The following FOCAD variants were observed in gnomAD, a reference collection of about 807,000 sequenced individuals.
FOCAD encodes the protein KIAA1797.
FOCAD carries 198 observed loss-of-function variants against 225.6 expected under a neutral mutation model. The ratio of observed to expected loss-of-function variants is 0.88; its 90% CI spans 0.78 to 0.99. The LOEUF (loss-of-function observed/expected upper bound fraction) is 0.99, where lower values mean the gene tolerates loss of function less well. Among genes scored for constraint, FOCAD ranks in the 50% least tolerant of loss-of-function variants. The pLI, the probability that FOCAD is intolerant of heterozygous loss-of-function variation, is 0.00. For missense variants in FOCAD, 2,713 were observed against 2,123.6 expected (o/e 1.28, Z -5.46); for synonymous variants, 897 against 755.0 (o/e 1.19, Z -3.08).
chr9:20,752,722 G>C (rs574591786), intron 5 of FOCAD, among the ~76,000 whole-genome samples: 1 of 152,186 alleles, frequency 6.6e-6, no homozygotes, highest in South Asian at 2.1e-4. Flanking sequence ...TGCTGGGGAT[G>C]GCATTGAATG....
intron 30 of FOCAD, among the ~76,000 whole-genome samples, chr9:20,947,687 AT>A (rs1456987765): frequency 2.6e-5 from 4 of 152,078 alleles, no homozygotes; most frequent in Non-Finnish European, 5.9e-5. Context: ...GAAAAAAAAC[AT>A]TTTATCTGAT....
chr9:20,946,762 C>A lies in FOCAD; in HGVS notation c.3617C>A (p.Ala1206Asp), dbSNP rs1382609264. The A allele has an allele frequency of 6.2e-7, 1 of 1,613,846 alleles. No individual in the cohort carries two copies. The highest frequency in any genetic ancestry group is 8.5e-7 in the Non-Finnish European group (1 of 1,179,790). Residue 1206 changes from alanine (A) to aspartate (D), a missense_variant, in exon 30 of 44, where the codon GCT becomes GAT. Physicochemically the swap from Ala to Asp is moderately radical, Grantham distance 126. Transcript: ENST00000338382. ...TSAFSAGIIE[A>D]TEAEDVMNKL... ...GCGTTCAGTGCTGGAATTATTGAGG[C>A]TACAGAGGCTGAGGATGTTATGAAC...
chr9:20,693,080 C>G (rs1413024335), intron 1 of FOCAD, among the ~76,000 whole-genome samples: 1 of 152,166 alleles, frequency 6.6e-6, no homozygotes, highest in African/African-American at 2.4e-5. Flanking sequence ...CCGTTGCCAC[C>G]CAAAGTAAAA....
intron 23 of FOCAD, among the ~76,000 whole-genome samples, chr9:20,916,044 AG>A (rs1277951918): frequency 6.6e-6 from 1 of 152,158 alleles, no homozygotes; most frequent in Non-Finnish European, 1.5e-5. Flanking sequence ...GTCTCTTAAG[AG>A]TGACTCATTC....
At chr9:20,931,678 G>T (rs978160155) in intron 27 of FOCAD, among the ~76,000 whole-genome samples, 4 of 152,176 alleles carry the variant, frequency 2.6e-5, no homozygotes, top group Admixed American at 2.0e-4. Context: ...AGAGAATTAT[G>T]AATCACATCT....
rs1220217300 is a variant in FOCAD at position 20,948,261 on chromosome 9, T to C, written c.3676-10T>C. On this transcript the variant is annotated splice_polypyrimidine_tract_variant and intron_variant, in intron 30 of 43. Transcript: ENST00000338382. Reference sequence around the variant, plus strand: ...CTTTTTCTTACCCCATTTTTATTTATTTATATCAGACTTCAGGTTTTGCCC... The same window carrying C: ...CTTTTTCTTACCCCATTTTTATTTACTTATATCAGACTTCAGGTTTTGCCC... 1 of 1,594,592 alleles carries C rather than the reference T, an allele frequency of 6.3e-7. No homozygotes were observed.
chr9:20,869,360 A>G (rs2131745981), intron 18 of FOCAD, among the ~76,000 whole-genome samples: 1 of 152,270 alleles, frequency 6.6e-6, no homozygotes, highest in East Asian at 1.9e-4. Flanking sequence ...TATATATAAG[A>G]TATCCTTACA....
intron 15 of FOCAD, among the ~76,000 whole-genome samples, chr9:20,850,452 A>T (rs983124184): frequency 6.6e-6 from 1 of 151,890 alleles, no homozygotes; most frequent in African/African-American, 2.4e-5. Flanking sequence ...ATGATGGTAG[A>T]TATAAATTGC....
intron 35 of FOCAD, among the ~76,000 whole-genome samples, chr9:20,973,969 T>A (rs71504764): frequency 0.18 from 6,496 of 36,154 alleles, 28 homozygotes; most frequent in East Asian, 0.33. Context: ...TCTGTAGCTG[T>A]TTTTTTCCTG....
Position 20,916,797 on chromosome 9 carries a change from G to A in FOCAD, c.2808-96G>A, listed in dbSNP as rs1833902145. ...TACCTGTATAGTTTTAAGATCTGGA[G>A]CCATTGCTGGAGGTTCTTATTAATT... On this transcript the variant is annotated intron_variant, in intron 23 of 43. Transcript: ENST00000338382. 7 of 1,070,482 alleles carry A rather than the reference G, an allele frequency of 6.5e-6. No individual in the cohort carries two copies. The East Asian group carries it at 1.9e-4, about 28-fold the overall frequency. The allele number at this position is 1,070,482 out of a possible 1,614,324, so 66.3% of individuals were successfully genotyped here.
chr9:20,935,300 C>T (rs913749231), intron 28 of FOCAD, among the ~76,000 whole-genome samples: 1 of 152,172 alleles, frequency 6.6e-6, no homozygotes, highest in Non-Finnish European at 1.5e-5. Context: ...CAGCTTACAC[C>T]TTATATTACT....
rs989283303 is a variant in FOCAD at position 20,947,542 on chromosome 9, T to C, written c.3675+722T>C. The stretch of plus-strand genomic sequence containing the variant: ...GTTTAGTGGGTAAAGAGTTTCAGTT[T>C]TTCAAGGGAAAGATTCTGGAGATGG... On this transcript the variant is annotated intron_variant, in intron 30 of 43. Coordinates refer to ENST00000338382, the MANE Select transcript of FOCAD (RefSeq NM_001375567.1). Among the ~76,000 whole-genome samples, 11 of 152,126 alleles carry C rather than the reference T, an allele frequency of 7.2e-5. No homozygotes were observed. The East Asian group carries it at 1.7e-3, about 24-fold the overall frequency.
chr9:20,700,989 T>G (rs1823897315), intron 1 of FOCAD, among the ~76,000 whole-genome samples: 1 of 152,220 alleles, frequency 6.6e-6, no homozygotes, highest in South Asian at 2.1e-4. Flanking sequence ...TGATTCTTCT[T>G]TACTGGCATC....
intron 19 of FOCAD, among the ~76,000 whole-genome samples, chr9:20,878,236 A>C (rs943327229): frequency 6.6e-6 from 1 of 152,210 alleles, no homozygotes; most frequent in Admixed American, 6.5e-5. Flanking sequence ...GCAAGTTGGC[A>C]CTATGTGTGA....
intron 42 of FOCAD, 68 bp from the exon 43 acceptor site, chr9:20,993,185 G>A: frequency 7.6e-7 from 1 of 1,318,372 alleles, no homozygotes; most frequent in Non-Finnish European, 1.1e-6. Context: ...ATAGGTCCAA[G>A]GGAATAACTG....
At chr9:20,885,018 C>T (rs1830990168) in intron 20 of FOCAD, 91 bp from the exon 21 acceptor site, 2 of 719,488 alleles carry the variant, frequency 2.8e-6, no homozygotes, top group African/African-American at 3.8e-5. Context: ...GAGATTGCAC[C>T]ACTGCACTCC....
intron 35 of FOCAD, among the ~76,000 whole-genome samples, chr9:20,971,180 C>T (rs955452176): frequency 2.0e-5 from 3 of 152,154 alleles, no homozygotes; most frequent in Non-Finnish European, 4.4e-5. Flanking sequence ...AAAAAGGACT[C>T]TGCCTTTTCT....
At chr9:20,666,027 T>C (rs1821890987) in intron 2 of FOCAD, among the ~76,000 whole-genome samples, 1 of 152,138 alleles carries the variant, frequency 6.6e-6, no homozygotes, top group South Asian at 2.1e-4. Context: ...CCCGAGTAGC[T>C]GGGATAACAG....
At chr9:20,772,679 G>T (rs79620321) in intron 8 of FOCAD, among the ~76,000 whole-genome samples, 4 of 152,008 alleles carry the variant, frequency 2.6e-5, no homozygotes, top group East Asian at 1.9e-4. Context: ...GTGGTGGTTG[G>T]GGGGCGTGGA....
Sources: gnomAD v4.1 joint callset for allele counts (sites outside exome capture counted in the v4.1 genomes callset) on GRCh38, gnomAD v4.1.1 for gene constraint, MANE v1.5 for transcripts, NCBI Gene and HGNC (gene_info 2026-07-23, HGNC 2026-07-21) for gene names.